The following TLN2 variants were observed in gnomAD, a reference collection of about 807,000 sequenced individuals.
TLN2 encodes the protein talin-2.
TLN2 carries 118 observed loss-of-function variants against 294.7 expected under a neutral mutation model. The ratio of observed to expected loss-of-function variants is 0.40; its 90% CI spans 0.34 to 0.47. The LOEUF is 0.47. Among genes scored for constraint, TLN2 ranks in the 20% least tolerant of loss-of-function variants. The pLI is 0.84. For synonymous variants in TLN2, 1,431 were observed against 1,304.5 expected, an observed-to-expected ratio of 1.10 and a Z score of -2.09; for missense variants, 3,083 against 3,282.2, an observed-to-expected ratio of 0.94 and a Z score of 1.48.
Position 62,761,670 on chromosome 15 carries a change from T to C in TLN2, c.4639-11T>C. 3 of 1,614,108 alleles carry C rather than the reference T, an allele frequency of 1.9e-6. No individual in the cohort carries two copies. Among genetic ancestry groups the C allele is most frequent in the East Asian group, 4.5e-5 (2 of 44,884 alleles). Reference sequence around the variant, plus strand: ...TCAATTGGGCAGAATCTCCCTGTTTTCTCCCATCAGGCCCTGGATGGGGAT... The same window carrying C: ...TCAATTGGGCAGAATCTCCCTGTTTCCTCCCATCAGGCCCTGGATGGGGAT... On this transcript the variant is annotated splice_polypyrimidine_tract_variant and intron_variant, in intron 37 of 58. Transcript: ENST00000636159.
intron 52 of TLN2, among the ~76,000 whole-genome samples, chr15:62,814,898 C>T (rs113514837): frequency 2.1e-4 from 32 of 152,242 alleles, no homozygotes; most frequent in African/African-American, 7.5e-4. Context: ...ACTGAGAGTC[C>T]TGCAAGCCGC....
intron 24 of TLN2, among the ~76,000 whole-genome samples, chr15:62,718,897 GGA>G (rs1348532688): frequency 6.6e-6 from 1 of 152,210 alleles, no homozygotes; most frequent in Non-Finnish European, 1.5e-5. Context: ...GATGGAGAGG[GGA>G]GAGTGGAGCA....
chr15:62,745,483 CATT>C (rs1307623454), intron 32 of TLN2, among the ~76,000 whole-genome samples: 2 of 152,122 alleles, frequency 1.3e-5, no homozygotes, highest in Non-Finnish European at 2.9e-5. Context: ...TTCAAAATAA[CATT>C]ATAAAGTCCC....
At chr15:62,611,883 G>A (rs1365784783) in intron 2 of TLN2, among the ~76,000 whole-genome samples, 1 of 152,150 alleles carries the variant, frequency 6.6e-6, no homozygotes, top group African/African-American at 2.4e-5. Context: ...CATGATTTTT[G>A]TGAGGATTAA....
intron 9 of TLN2, among the ~76,000 whole-genome samples, chr15:62,661,084 A>G (rs1450466337): frequency 6.6e-6 from 1 of 152,218 alleles, no homozygotes; most frequent in African/African-American, 2.4e-5. Flanking sequence ...TAAAACAGCC[A>G]CAACAAAACA....
At chr15:62,434,857 C>T (rs565016185) in intron 1 of TLN2, among the ~76,000 whole-genome samples, 260 of 152,284 alleles carry the variant, frequency 1.7e-3, no homozygotes, top group African/African-American at 5.9e-3. Context: ...GTTTGCTGCA[C>T]AGATCAACCC....
chr15:62,478,889 G>C (rs2037929528), intron 1 of TLN2, among the ~76,000 whole-genome samples: 1 of 152,200 alleles, frequency 6.6e-6, no homozygotes, highest in Non-Finnish European at 1.5e-5. Flanking sequence ...GCTGGGCCAA[G>C]CCACCCACCA....
At chr15:62,396,918 T>C (rs2032595257) in intron 1 of TLN2, among the ~76,000 whole-genome samples, 2 of 152,182 alleles carry the variant, frequency 1.3e-5, no homozygotes, top group African/African-American at 4.8e-5. Context: ...TTGGCCAGGC[T>C]GGTCTGGAAC....
At chr15:62,716,729 C>T (rs780311964) in intron 23 of TLN2, among the ~76,000 whole-genome samples, 1 of 152,070 alleles carries the variant, frequency 6.6e-6, no homozygotes, top group Non-Finnish European at 1.5e-5. Flanking sequence ...AGGATATACA[C>T]ATTCAAGAAG....
intron 1 of TLN2, among the ~76,000 whole-genome samples, chr15:62,538,086 G>T (rs142505871): frequency 4.5e-4 from 69 of 152,236 alleles, no homozygotes; most frequent in African/African-American, 1.6e-3. Flanking sequence ...GCTGGGCATG[G>T]TGATGGGCGC....
intron 7 of TLN2, among the ~76,000 whole-genome samples, chr15:62,653,552 C>T (rs555803150): frequency 2.6e-5 from 4 of 151,982 alleles, no homozygotes; most frequent in Non-Finnish European, 5.9e-5. Context: ...GGTGAAACCT[C>T]ATCTCTACTA....
chr15:62,437,655 C>T (rs561010945), intron 1 of TLN2, among the ~76,000 whole-genome samples: 4 of 152,264 alleles, frequency 2.6e-5, no homozygotes, highest in East Asian at 1.9e-4. Context: ...ACATGAGCTT[C>T]TAGTCCTAGC....
At chr15:62,497,227 T>C (rs2039057530) in intron 1 of TLN2, among the ~76,000 whole-genome samples, 1 of 152,246 alleles carries the variant, frequency 6.6e-6, no homozygotes, top group South Asian at 2.1e-4. Flanking sequence ...GGGCTGATGA[T>C]TGAGAACTCC....
At position 62,833,716 on chromosome 15, in the gene TLN2, G is replaced by A. The variant is rs571224761; in HGVS notation, c.7128+87G>A. The A allele has an allele frequency of 7.1e-5, 108 of 1,528,532 alleles. No homozygotes were observed. The South Asian group carries it at 1.2e-3, about 17-fold the overall frequency. The allele number at this position is 1,528,532 out of a possible 1,614,324, so 94.7% of individuals were successfully genotyped here. A position where few individuals can be genotyped will look rare whatever the true frequency, so the allele number is the denominator to read the frequency against. On this transcript the variant is annotated intron_variant, in intron 55 of 58. Transcript: ENST00000636159. ...GAAAAGAGCTACAAGCTTTTGTCCT[G>A]ACCAAGGAAACACATGCAGTGCCTT...
chr15:62,446,066 G>A (rs2035806526), intron 1 of TLN2, among the ~76,000 whole-genome samples: 1 of 151,400 alleles, frequency 6.6e-6, no homozygotes, highest in African/African-American at 2.4e-5. Flanking sequence ...GAGTGCAGTG[G>A]CTCGATCTCC....
At chr15:62,461,315 G>A (rs1066673) in intron 1 of TLN2, among the ~76,000 whole-genome samples, 146,092 of 152,236 alleles carry the variant, frequency 0.96, 70,373 homozygotes, top group East Asian at 1. Context: ...GTTTTGTTCA[G>A]CATGATGTTT....
At chr15:62,747,690 G>A (rs559406146) in intron 32 of TLN2, among the ~76,000 whole-genome samples, 9 of 152,258 alleles carry the variant, frequency 5.9e-5, no homozygotes, top group East Asian at 1.9e-4. Context: ...TAGGGGCACC[G>A]ACCCCTGCAC....
At chr15:62,668,658 C>T (rs1211642708) in intron 9 of TLN2, among the ~76,000 whole-genome samples, 1 of 152,158 alleles carries the variant, frequency 6.6e-6, no homozygotes, top group Non-Finnish European at 1.5e-5. Context: ...GATGAGACGG[C>T]GTGTGTGCTG....
intron 23 of TLN2, 35 bp from the exon 24 acceptor site, chr15:62,717,541 A>T: frequency 1.4e-6 from 2 of 1,431,440 alleles, no homozygotes; most frequent in Non-Finnish European, 1.9e-6. Context: ...TATATTGCAT[A>T]TGCAGATCCT....
Sources: gnomAD v4.1 joint callset for allele counts (sites outside exome capture counted in the v4.1 genomes callset) on GRCh38, gnomAD v4.1.1 for gene constraint, MANE v1.5 for transcripts, NCBI Gene and HGNC (gene_info 2026-07-23, HGNC 2026-07-21) for gene names.